DYM: variants seen among roughly 807,000 people sequenced by gnomAD.
The protein encoded by DYM is dymeclin.
Under a neutral mutation model 93.1 loss-of-function variants are expected in DYM, and 78 were observed. The observed-to-expected ratio is 0.84, with a 90% CI of 0.70 to 1.01. DYM has a LOEUF of 1.01. DYM is among the 50% of genes least tolerant of loss of function. The pLI is 0.00. For synonymous variants in DYM, 321 were observed against 319.7 expected, an observed-to-expected ratio of 1.00 and a Z score of -0.04; for missense variants, 789 against 845.0, an observed-to-expected ratio of 0.93 and a Z score of 0.82.
intron 3 of DYM, among the ~76,000 whole-genome samples, chr18:49,383,008 G>A (rs2068202579): frequency 6.6e-6 from 1 of 152,156 alleles, no homozygotes; most frequent in Non-Finnish European, 1.5e-5. Flanking sequence ...AAATACAGAG[G>A]AGAGAGGACA....
Position 49,118,565 on chromosome 18 carries a change from T to C in DYM, c.1911+179A>G, listed in dbSNP as rs539708450. ...ACTTCAATTGTATTAAATATGTATG[T>C]GTGTGTATATACAACACACACACAG... On this transcript the variant is annotated intron_variant, in intron 16 of 17. Transcript: ENST00000675505. 8.5e-5 allele frequency: 53 copies of C among 622,718 alleles called. No individual in the cohort carries two copies. In the African/African-American group the frequency reaches 9.0e-4, roughly 11 times the overall value. The allele number at this position is 622,718 out of a possible 1,614,324, so 38.6% of individuals were successfully genotyped here.
intron 8 of DYM, among the ~76,000 whole-genome samples, chr18:49,290,437 G>A (rs1401803223): frequency 6.6e-6 from 1 of 151,478 alleles, no homozygotes; most frequent in African/African-American, 2.4e-5. Flanking sequence ...GGATGAAGTG[G>A]GATTGCATGG....
rs1424211015 is a variant in DYM, at chr18:49,040,405, C to A, written c.*3650G>T. 6.6e-6 allele frequency among the ~76,000 whole-genome samples: 1 copy of A among 152,156 alleles called. No individual in the cohort carries two copies. The highest frequency in any genetic ancestry group is 1.5e-5 in the Non-Finnish European group (1 of 68,040). On this transcript the variant is annotated 3_prime_UTR_variant, in exon 18 of 18. Coordinates refer to ENST00000675505, the MANE Select transcript of DYM (RefSeq NM_001353214.3). ...GTCTCCCTTGCTTTGAGTGGGAACT[C>A]TGAATAGCTATACGCTAATGAGATT...
chr18:49,088,939 G>C (rs1197845512), intron 17 of DYM, among the ~76,000 whole-genome samples: 1 of 152,108 alleles, frequency 6.6e-6, no homozygotes, highest in Non-Finnish European at 1.5e-5. Flanking sequence ...CTACAGGTGT[G>C]CACCACCACA....
rs184252597 is a variant in DYM at position 49,072,037 on chromosome 18, C to T, written c.2025+25365G>A. Among the ~76,000 whole-genome samples, 3 of 152,280 alleles carry T rather than the reference C, an allele frequency of 2.0e-5. No individual in the cohort carries two copies. The East Asian group carries it at 5.8e-4, about 29-fold the overall frequency. Reference sequence around the variant, plus strand: ...AACAGACTGGCCTACAACAGAATGCCCTGCTAGTCAGATTTTGTTTTACAA... The same window carrying T: ...AACAGACTGGCCTACAACAGAATGCTCTGCTAGTCAGATTTTGTTTTACAA... On this transcript the variant is annotated intron_variant, in intron 17 of 17. Coordinates refer to ENST00000675505, the MANE Select transcript of DYM (RefSeq NM_001353214.3).
chr18:49,392,681 T>TAAAAA (rs869086187), intron 2 of DYM, among the ~76,000 whole-genome samples: 2,801 of 68,438 alleles, frequency 0.041, 236 homozygotes, highest in Non-Finnish European at 0.049. Flanking sequence ...GGCTTTTATT[T>TAAAAA]AAAAAAAAAA....
At chr18:49,165,309 G>T (rs537690542) in intron 14 of DYM, among the ~76,000 whole-genome samples, 1 of 152,028 alleles carries the variant, frequency 6.6e-6, no homozygotes, top group Non-Finnish European at 1.5e-5. Flanking sequence ...TAAATTTATT[G>T]TATCAAATAA....
intron 17 of DYM, among the ~76,000 whole-genome samples, chr18:49,072,384 A>G (rs2076962685): frequency 6.7e-6 from 1 of 150,374 alleles, no homozygotes; most frequent in South Asian, 2.1e-4. Context: ...ATGCCAACAT[A>G]AAAAAAAAAT....
chr18:49,185,490 GA>G (rs1298514355), intron 14 of DYM, among the ~76,000 whole-genome samples: 11 of 152,182 alleles, frequency 7.2e-5, no homozygotes, highest in African/African-American at 2.7e-4. Flanking sequence ...AAGCTGGAAT[GA>G]AAAACAGTTT....
At chr18:49,190,376 G>T (rs2145668039) in intron 14 of DYM, among the ~76,000 whole-genome samples, 1 of 152,088 alleles carries the variant, frequency 6.6e-6, no homozygotes, top group South Asian at 2.1e-4. Context: ...TGATTTTGGA[G>T]GTTTAGGACT....
At chr18:49,412,417 G>T (rs917469488) in intron 2 of DYM, among the ~76,000 whole-genome samples, 1 of 152,042 alleles carries the variant, frequency 6.6e-6, no homozygotes, top group Non-Finnish European at 1.5e-5. Flanking sequence ...CTTCTAAAAT[G>T]ATTTTTGCAT....
intron 13 of DYM, among the ~76,000 whole-genome samples, chr18:49,254,489 C>T (rs1009771905): frequency 6.6e-6 from 1 of 152,004 alleles, no homozygotes; most frequent in African/African-American, 2.4e-5. Context: ...AAGCACTACT[C>T]ATTATTGATG....
rs190129809 is a variant in DYM at position 49,265,739 on chromosome 18, T to C, written c.1251+6439A>G. ...GTTGTGGTGAGCCGAGATTGCGCCA[T>C]TGCACTCCAGCCTGGGCAACAGGAG... On this transcript the variant is annotated intron_variant, in intron 11 of 17. Transcript: ENST00000675505. 1.0e-2 allele frequency among the ~76,000 whole-genome samples: 1,470 copies of C among 147,226 alleles called. 41 individuals carry two copies. The highest frequency in any genetic ancestry group is 0.075 in the South Asian group (351 of 4,666).
At chr18:49,149,544 A>T (rs2085568442) in intron 15 of DYM, among the ~76,000 whole-genome samples, 1 of 152,006 alleles carries the variant, frequency 6.6e-6, no homozygotes, top group African/African-American at 2.4e-5. Context: ...CCTATGTATG[A>T]AATTATTATA....
chr18:49,215,521 G>A (rs557845832), intron 13 of DYM, among the ~76,000 whole-genome samples: 41 of 152,184 alleles, frequency 2.7e-4, no homozygotes, highest in Non-Finnish European at 4.4e-4. Context: ...TAAACCACTC[G>A]TATCATCCCA....
rs1379591077 is a variant in DYM at position 49,103,508 on chromosome 18, ATT to A, written c.1912-5995_1912-5994del. 2.3e-4 allele frequency among the ~76,000 whole-genome samples: 35 copies of A among 152,260 alleles called. No individual in the cohort carries two copies. The Middle Eastern group carries it at 0.01, about 44-fold the overall frequency. On this transcript the variant is annotated intron_variant, in intron 16 of 17. Coordinates refer to ENST00000675505, the MANE Select transcript of DYM (RefSeq NM_001353214.3). ...TGCCTATGTCTATGTCCTGAATGGT[ATT>A]GCCTAGGTTTTCTTCTAGGGTTTTT...
chr18:49,292,351 G>GACACAC (rs1293664967), intron 8 of DYM, among the ~76,000 whole-genome samples: 92 of 106,676 alleles, frequency 8.6e-4, no homozygotes, highest in African/African-American at 2.5e-3. Context: ...CAGACAGACA[G>GACACAC]ACAGACACAC....
At chr18:49,231,802 A>G (rs150102767) in intron 13 of DYM, among the ~76,000 whole-genome samples, 6 of 152,352 alleles carry the variant, frequency 3.9e-5, no homozygotes, top group Middle Eastern at 3.4e-3. Flanking sequence ...AAAAGTCACC[A>G]GAGGAATCTT....
intron 1 of DYM, among the ~76,000 whole-genome samples, chr18:49,445,557 A>G (rs928710119): frequency 2.6e-5 from 4 of 152,312 alleles, no homozygotes; most frequent in African/African-American, 9.6e-5. Flanking sequence ...GAGAAAAAAT[A>G]GAAAATTTAA....
Sources: allele counts gnomAD v4.1 joint callset (sites outside exome capture counted in the v4.1 genomes callset), GRCh38; gene constraint gnomAD v4.1.1; transcripts MANE v1.5; gene names NCBI Gene and HGNC (gene_info 2026-07-23, HGNC 2026-07-21).